The following ADGRL2 variants were observed in gnomAD, a reference collection of about 807,000 sequenced individuals.
The protein encoded by ADGRL2 is adhesion G protein-coupled receptor L2, also known as calcium-independent alpha-latrotoxin receptor 2.
A neutral mutation model predicts 157.4 loss-of-function variants in ADGRL2; 44 were observed. The observed-to-expected ratio is 0.28, with a 90% confidence interval of 0.22 to 0.36. ADGRL2 has a LOEUF of 0.36. ADGRL2 is among the 10% of genes least tolerant of loss of function. The pLI is 1.00. For missense variants in ADGRL2, 1,510 were observed against 1,768.9 expected, an observed-to-expected ratio of 0.85 and a Z score of 2.63; for synonymous variants, 585 against 624.7, an observed-to-expected ratio of 0.94 and a Z score of 0.95.
At chr1:81,372,214 TTA>T (rs2076172545) in intron 1 of ADGRL2, among the ~76,000 whole-genome samples, 1 of 147,510 alleles carries the variant, frequency 6.8e-6, no homozygotes, top group African/African-American at 2.7e-5. Flanking sequence ...CAGTAGTACT[TTA>T]ATTAATCATC....
chr1:81,834,431 A>G (rs2150148916), intron 1 of ADGRL2, among the ~76,000 whole-genome samples: 1 of 152,238 alleles, frequency 6.6e-6, no homozygotes, highest in East Asian at 1.9e-4. Context: ...TTTGGCTCCA[A>G]TATGATTTAG....
chr1:81,519,762 T>C (rs2079267848), intron 2 of ADGRL2, among the ~76,000 whole-genome samples: 1 of 152,176 alleles, frequency 6.6e-6, no homozygotes. Flanking sequence ...AAGTGACAGA[T>C]ACGGCTAATG....
intron 1 of ADGRL2, among the ~76,000 whole-genome samples, chr1:81,834,155 T>C (rs17107276): frequency 0.14 from 21,339 of 152,116 alleles, 1,657 homozygotes; most frequent in East Asian, 0.19. Flanking sequence ...AGCTTCACCA[T>C]GCACTACACC....
intron 1 of ADGRL2, among the ~76,000 whole-genome samples, chr1:81,319,725 G>C (rs1193236321): frequency 1.3e-5 from 2 of 152,172 alleles, no homozygotes; most frequent in African/African-American, 2.4e-5. Flanking sequence ...AATAATCGTA[G>C]AGGAAAATAA....
intron 1 of ADGRL2, among the ~76,000 whole-genome samples, chr1:81,742,181 G>A: frequency 6.6e-6 from 1 of 151,800 alleles, no homozygotes; most frequent in East Asian, 1.9e-4. Flanking sequence ...TTTAAACTGG[G>A]AATAGTATGT....
At position 81,364,596 on chromosome 1, in the gene ADGRL2, G is replaced by A. The variant is rs542355485; in HGVS notation, c.-302+58087G>A. 5.9e-5 allele frequency among the ~76,000 whole-genome samples: 9 copies of A among 152,208 alleles called. No homozygotes were observed. The East Asian group carries it at 7.7e-4, about 13-fold the overall frequency. ...AGAGGGAGGAAGTAAATTAATTAGC[G>A]AGAACTGAAAAATTGTAAGCAGTAC... On this transcript the variant is annotated intron_variant, in intron 1 of 24. Transcript: ENST00000370721.
At chr1:81,484,403 C>T (rs1216632245) in intron 2 of ADGRL2, among the ~76,000 whole-genome samples, 1 of 152,106 alleles carries the variant, frequency 6.6e-6, no homozygotes, top group Admixed American at 6.6e-5. Flanking sequence ...CATCTGAACT[C>T]CATAAATCCA....
At chr1:81,513,876 G>C (rs1174636932) in intron 2 of ADGRL2, 1 of 152,148 alleles carries the variant, frequency 6.6e-6, no homozygotes, top group African/African-American at 2.4e-5. Context: ...GAGAACCACA[G>C]CAATGGGGCC....
At chr1:81,760,174 C>T (rs909462252) in intron 1 of ADGRL2, among the ~76,000 whole-genome samples, 30 of 152,036 alleles carry the variant, frequency 2.0e-4, no homozygotes, top group African/African-American at 7.0e-4. Context: ...AGGCAAGTTG[C>T]CCATTAAATT....
chr1:81,920,257 C>T (rs973640306), intron 3 of ADGRL2, among the ~76,000 whole-genome samples: 3 of 152,128 alleles, frequency 2.0e-5, no homozygotes, highest in African/African-American at 7.2e-5. Context: ...ACAGGATTGA[C>T]ATGTCAATGT....
At chr1:81,726,690 C>G (rs1237760168) in intron 1 of ADGRL2, among the ~76,000 whole-genome samples, 2 of 152,300 alleles carry the variant, frequency 1.3e-5, no homozygotes, top group East Asian at 1.9e-4. Context: ...TATACGTACT[C>G]TAAAACTTCA....
chr1:81,733,901 G>T (rs1305538613), intron 1 of ADGRL2, among the ~76,000 whole-genome samples: 5 of 152,052 alleles, frequency 3.3e-5, no homozygotes, highest in African/African-American at 4.8e-5. Context: ...TTAATACCTG[G>T]GTGATGAAAT....
chr1:81,850,690 G>A (rs1315131991), intron 2 of ADGRL2, among the ~76,000 whole-genome samples: 1 of 151,860 alleles, frequency 6.6e-6, no homozygotes, highest in South Asian at 2.1e-4. Flanking sequence ...AATTTATATA[G>A]CAACACAGTA....
At chr1:81,482,260 A>G (rs1342964464) in intron 2 of ADGRL2, among the ~76,000 whole-genome samples, 2 of 152,250 alleles carry the variant, frequency 1.3e-5, no homozygotes, top group African/African-American at 4.8e-5. Context: ...AGAAAGTTTG[A>G]ATAAAGCACC....
rs113055728 is a variant in ADGRL2 at position 81,321,498 on chromosome 1, G to T, written c.-302+14989G>T. ...AGTTAGAGGCAACCCTTCCTTTCACGTAGAGGCCATTGTATGGTTATTAAT... is the reference window on the plus strand; with the variant it reads ...AGTTAGAGGCAACCCTTCCTTTCACTTAGAGGCCATTGTATGGTTATTAAT... On this transcript the variant is annotated intron_variant, in intron 1 of 24. Coordinates refer to the ADGRL2 transcript ENST00000370721. 2.5e-3 allele frequency among the ~76,000 whole-genome samples: 376 copies of T among 152,100 alleles called. 2 individuals are homozygous for T. The highest frequency in any genetic ancestry group is 8.6e-3 in the African/African-American group (357 of 41,510).
At position 81,787,587 on chromosome 1, in the gene ADGRL2, G is replaced by A. The variant is rs187227725; in HGVS notation, c.-101+25735G>A. Among the ~76,000 whole-genome samples the A allele has an allele frequency of 1.8e-4, 28 of 152,188 alleles. No individual in the cohort carries two copies. In the East Asian group the frequency reaches 4.3e-3, roughly 23 times the overall value. On this transcript the variant is annotated intron_variant, in intron 2 of 20. Transcript: ENST00000359929. ...GGAGAATTGCTTGAACCTGGGAGGC[G>A]GAGGTTGCAGTGAGCTGGGGTCGCA...
intron 2 of ADGRL2, among the ~76,000 whole-genome samples, chr1:81,857,778 G>A (rs1189096302): frequency 6.6e-6 from 1 of 151,772 alleles, no homozygotes; most frequent in Non-Finnish European, 1.5e-5. Flanking sequence ...ATAAATTATT[G>A]GATACATGAA....
Position 81,418,453 on chromosome 1 carries a change from A to T in ADGRL2, c.-301-26583A>T, listed in dbSNP as rs551485034. Among the ~76,000 whole-genome samples the T allele has an allele frequency of 9.2e-5, 14 of 152,296 alleles. 1 individual carries two copies. The highest frequency in any genetic ancestry group is 4.6e-4 in the Admixed American group (7 of 15,298). On this transcript the variant is annotated intron_variant, in intron 1 of 24. Transcript: ENST00000370721. Reference sequence around the variant, plus strand: ...ATCTGTATTCAGACCTAAAAAATGAATTTAAATAAGATTCCAGGCCGAGTG... The same window carrying T: ...ATCTGTATTCAGACCTAAAAAATGATTTTAAATAAGATTCCAGGCCGAGTG...
At chr1:81,904,328 AAAG>A (rs2094546332) in intron 2 of ADGRL2, among the ~76,000 whole-genome samples, 1 of 152,228 alleles carries the variant, frequency 6.6e-6, no homozygotes, top group African/African-American at 2.4e-5. Flanking sequence ...AGAATTTAGA[AAAG>A]AACATTAATG....
Sources: allele counts gnomAD v4.1 joint callset (sites outside exome capture counted in the v4.1 genomes callset), GRCh38; gene constraint gnomAD v4.1.1; transcripts MANE v1.5; gene names NCBI Gene and HGNC (gene_info 2026-07-23, HGNC 2026-07-21).